Variants in PIEZO1 observed in about 807,000 individuals in gnomAD.
PIEZO1 encodes piezo-type mechanosensitive ion channel component 1.
In PIEZO1, 296 loss-of-function variants were observed where a neutral mutation model predicts 297.2. That is an observed-to-expected ratio of 1.00 (90% confidence interval 0.91 to 1.10). The LOEUF (loss-of-function observed/expected upper bound fraction) is 1.10. Ranked by LOEUF, PIEZO1 falls within the 50% of genes least tolerant of loss-of-function variation. The pLI is 0.00. For synonymous variants in PIEZO1, 2,427 were observed against 1,507.5 expected, an observed-to-expected ratio of 1.61 and a Z score of -14.13; for missense variants, 5,018 against 3,455.5, an observed-to-expected ratio of 1.45 and a Z score of -11.34.
chr16:88,784,853 GAGACGCAGCCCCCTCCCGTCGCCCCC>G (rs1322552299), intron 1 of PIEZO1, 22 bp downstream of exon 1: 173 of 1,320,512 alleles, frequency 1.3e-4, no homozygotes, highest in Admixed American at 2.7e-4. Context: ...GTGGGGAGCC[GAGACGCAGCCCCCTCCCGTCGCCCCC>G]AGGCGCCCGC....
Position 88,719,791 on chromosome 16 carries a change from C to G in PIEZO1, c.6323+11G>C. ...GGGCCGTGACCCCCACCCCGGCGGA[C>G]CTGCACTCACCCCTGGAAGAGGAAG... On this transcript the variant is annotated intron_variant, in intron 43 of 50. Coordinates refer to ENST00000301015, the MANE Select transcript of PIEZO1 (RefSeq NM_001142864.4). 6.4e-7 allele frequency: 1 copy of G among 1,550,462 alleles called. No individual in the cohort carries two copies. Among genetic ancestry groups the G allele is most frequent in the Non-Finnish European group, 8.7e-7 (1 of 1,146,928 alleles).
rs776720032 is a variant in PIEZO1 at position 88,722,018 on chromosome 16, C to T, written c.5004G>A (p.Gly1668=). ...ELEEAELFAE[G]QGRALRLLRA... is the part of the protein sequence containing the mutation. ...GCAGCAGCCGCAGCGCCCGGCCCTG[C>T]CCCTCCGCAAACAGCTCTGCCTCCT... Residue 1668 remains glycine (G), a synonymous_variant, in exon 37 of 51, where the codon GGG becomes GGA. Transcript: ENST00000301015. The T allele has an allele frequency of 4.5e-6, 7 of 1,548,448 alleles. No individual in the cohort carries two copies. In the South Asian group the frequency reaches 7.1e-5, roughly 16 times the overall value.
At chr16:88,782,857 G>T (rs1907997658) in intron 1 of PIEZO1, among the ~76,000 whole-genome samples, 1 of 152,110 alleles carries the variant, frequency 6.6e-6, no homozygotes. Context: ...AGGCAGGCAG[G>T]CAGGGTTCTT....
rs1309044627 is a variant in PIEZO1, at chr16:88,738,715, C to G, written c.487G>C (p.Asp163His). ...RELDDDERDV[D>H]ASPTAGLQEA... ...TGCAGCCCTGCCGTCGGGCTGGCAT[C>G]CACATCCCTCTCATCATCATCCTGC... Residue 163 changes from aspartate (D) to histidine (H), a missense_variant, in exon 6 of 51, where the codon GAT (aspartate) becomes CAT (histidine). By Grantham distance (81) the Asp-to-His change is moderately conservative. Coordinates refer to ENST00000301015, the MANE Select transcript of PIEZO1 (RefSeq NM_001142864.4). The G allele has an allele frequency of 2.6e-6, 4 of 1,532,886 alleles. No homozygotes were observed. The South Asian group carries it at 3.6e-5, about 14-fold the overall frequency. 95.0% of individuals were successfully genotyped at this position (1,532,886 alleles called of 1,614,324 possible).
chr16:88,732,386 G>C lies in PIEZO1; in HGVS notation c.2940C>G (p.Leu980=), dbSNP rs541368471. The C allele has an allele frequency of 1.3e-6, 2 of 1,549,632 alleles. No homozygotes were observed. Among genetic ancestry groups the C allele is most frequent in the African/African-American group, 1.4e-5 (1 of 73,012 alleles). The change falls in exon 21 of 51, where the codon CTC becomes CTG. Residue 980 remains leucine, a synonymous_variant. Transcript: ENST00000301015. ...GTRQQLDQDL[L]GCLKYFINFF... is the part of the protein sequence containing the mutation. ...AGTTGATGAAGTACTTGAGGCAGCCGAGCAGATCCTGGTCCAGCTGCTGGC... is the reference window on the plus strand; with the variant it reads ...AGTTGATGAAGTACTTGAGGCAGCCCAGCAGATCCTGGTCCAGCTGCTGGC...
intron 1 of PIEZO1, 142 bp from the exon 2 acceptor site, chr16:88,749,621 G>T: frequency 1.6e-6 from 1 of 619,588 alleles, no homozygotes; most frequent in Middle Eastern, 4.0e-4. Flanking sequence ...AGCCGTGGAA[G>T]CCGCCTCGCG....
At position 88,733,356 on chromosome 16, in the gene PIEZO1, G is replaced by C. The variant is rs1276607901; in HGVS notation, c.2586C>G (p.Thr862=). Residue 862 remains threonine (T), a synonymous_variant, in exon 19 of 51, where the codon ACC becomes ACG. Transcript: ENST00000301015. ...GCATCTTACACACGATGATGACGCA[G>C]GTCCACACGGTGGACAGGCAGGAGG... ...PMASCLSTVW[T]CVIIVCKMLY... 1.3e-6 allele frequency: 2 copies of C among 1,550,132 alleles called. No homozygotes were observed. Among genetic ancestry groups the C allele is most frequent in the Non-Finnish European group, 1.7e-6 (2 of 1,146,744 alleles).
chr16:88,731,494 G>A (rs1227595835), intron 22 of PIEZO1: 2 of 580,344 alleles, frequency 3.4e-6, no homozygotes, highest in Middle Eastern at 4.5e-4. Flanking sequence ...AAGGAAAAGA[G>A]AACAGCAGAG....
At chr16:88,755,278 T>C (rs985346223) in intron 1 of PIEZO1, among the ~76,000 whole-genome samples, 2 of 152,230 alleles carry the variant, frequency 1.3e-5, no homozygotes, top group African/African-American at 4.8e-5. Flanking sequence ...TAAATGCTAA[T>C]CTGCTGATTA....
intron 1 of PIEZO1, among the ~76,000 whole-genome samples, chr16:88,762,559 G>A (rs1051039375): frequency 2.6e-5 from 4 of 152,202 alleles, no homozygotes; most frequent in Non-Finnish European, 5.9e-5. Flanking sequence ...ACTGCCAAGG[G>A]TAGACCCCCA....
In PIEZO1 at chr16:88,779,851, C is replaced by T. The variant is rs76442219; in HGVS notation, c.64+5050G>A. 5.3e-4 allele frequency among the ~76,000 whole-genome samples: 81 copies of T among 152,386 alleles called. 1 individual carries two copies. The East Asian group carries it at 9.8e-3, about 19-fold the overall frequency. ...CGGCACTCAGCGCAGCTGGGAAAGC[C>T]TGTGTTGCGGGTCTCCTGGCCCCAC... On this transcript the variant is annotated intron_variant, in intron 1 of 50. Coordinates refer to ENST00000301015, the MANE Select transcript of PIEZO1 (RefSeq NM_001142864.4).
chr16:88,717,044 G>T lies in PIEZO1; in HGVS notation c.6639C>A (p.Thr2213=). The change falls in exon 45 of 51, where the codon ACC becomes ACA. Residue 2213 remains threonine, a synonymous_variant. Coordinates refer to ENST00000301015, the MANE Select transcript of PIEZO1 (RefSeq NM_001142864.4). Reference sequence around the variant, plus strand: ...TCACCTCATAGCCGCCCAGCTTCAGGGTGACGGTGACATCGATGGGCTGGT... The same window carrying T: ...TCACCTCATAGCCGCCCAGCTTCAGTGTGACGGTGACATCGATGGGCTGGT... ...VVNQPIDVTV[T]LKLGGYEPLF... is the part of the protein sequence containing the mutation. 1.3e-6 allele frequency: 2 copies of T among 1,550,726 alleles called. No individual in the cohort carries two copies. The highest frequency in any genetic ancestry group is 1.7e-6 in the Non-Finnish European group (2 of 1,146,984).
At position 88,719,784 on chromosome 16, in the gene PIEZO1, C is replaced by G. The variant is rs750951378; in HGVS notation, c.6323+18G>C. On this transcript the variant is annotated intron_variant, in intron 43 of 50. Coordinates refer to ENST00000301015, the MANE Select transcript of PIEZO1 (RefSeq NM_001142864.4). ...CATGCCCGGGCCGTGACCCCCACCC[C>G]GGCGGACCTGCACTCACCCCTGGAA... 9 of 1,550,344 alleles carry G rather than the reference C, an allele frequency of 5.8e-6. No individual in the cohort carries two copies. Among genetic ancestry groups the G allele is most frequent in the Non-Finnish European group, 7.8e-6 (9 of 1,146,868 alleles).
rs1020084241 is a variant in PIEZO1, at chr16:88,733,326, G to A, written c.2616C>T (p.Tyr872=). 5.8e-6 allele frequency: 9 copies of A among 1,550,092 alleles called. No homozygotes were observed. In the Admixed American group the frequency reaches 5.9e-5, roughly 10 times the overall value. ...TCVIIVCKML[Y]QLKVVNPQEY... ...CCTGGGGGTTGACAACCTTGAGCTG[G>A]TACAGCATCTTACACACGATGATGA... Residue 872 remains tyrosine, a synonymous_variant, in exon 19 of 51, where the codon TAC becomes TAT. Coordinates refer to ENST00000301015, the MANE Select transcript of PIEZO1 (RefSeq NM_001142864.4).
chr16:88,716,614 C>T lies in PIEZO1; in HGVS notation c.6871G>A (p.Glu2291Lys), dbSNP rs1324181814. Residue 2291 changes from glutamate to lysine, a missense_variant, in exon 47 of 51, where the codon GAG (glutamate) becomes AAG (lysine). Coordinates refer to ENST00000301015, the MANE Select transcript of PIEZO1 (RefSeq NM_001142864.4). ...SPPSRAQMKR[E>K]LYNGTADITL... The stretch of plus-strand genomic sequence containing the variant: ...ATGTCGGCCGTGCCGTTGTAGAGCT[C>T]CCGCTTCATCTGGGCACGGCTGGGG... The T allele has an allele frequency of 1.3e-6, 2 of 1,549,996 alleles. No individual in the cohort carries two copies. The highest frequency in any genetic ancestry group is 1.7e-6 in the Non-Finnish European group (2 of 1,146,872).
chr16:88,749,419 G>C lies in PIEZO1; in HGVS notation c.125C>G (p.Pro42Arg). The part of the protein sequence containing the change: ...LVYLLFLLLL[P>R]WFPGPTRCGL... The stretch of plus-strand genomic sequence containing the variant: ...GCATCGGGTGGGGCCGGGGAACCAG[G>C]GCAGCAGCAGCAGGAAGAGCAGGTA... The change falls in exon 2 of 51, where the codon CCC (proline) becomes CGC (arginine). Residue 42 changes from proline to arginine, a missense_variant. By Grantham distance (103) the Pro-to-Arg change is moderately radical (BLOSUM62 -2). Coordinates refer to ENST00000301015, the MANE Select transcript of PIEZO1 (RefSeq NM_001142864.4). The C allele has an allele frequency of 1.3e-6, 2 of 1,523,458 alleles. No homozygotes were observed. The highest frequency in any genetic ancestry group is 1.2e-5 in the South Asian group (1 of 81,478). The allele number at this position is 1,523,458 out of a possible 1,614,324, so 94.4% of individuals were successfully genotyped here. A position where few individuals can be genotyped will look rare whatever the true frequency, so the allele number is the denominator to read the frequency against.
intron 1 of PIEZO1, among the ~76,000 whole-genome samples, chr16:88,750,736 G>A (rs938292163): frequency 2.6e-5 from 4 of 152,190 alleles, no homozygotes; most frequent in Non-Finnish European, 4.4e-5. Context: ...TCGTCTCCTC[G>A]CAGGGGACCT....
chr16:88,767,267 G>C (rs1371570490), intron 1 of PIEZO1, among the ~76,000 whole-genome samples: 4 of 152,190 alleles, frequency 2.6e-5, no homozygotes, highest in African/African-American at 9.7e-5. Context: ...CCATCTGCAA[G>C]GGCATCCCTG....
At chr16:88,746,795 CA>C (rs1382092900) in intron 2 of PIEZO1, among the ~76,000 whole-genome samples, 1 of 152,252 alleles carries the variant, frequency 6.6e-6, no homozygotes, top group Non-Finnish European at 1.5e-5. Flanking sequence ...TGCCTTCCCC[CA>C]CTGCTGATTA....
Sources: gnomAD v4.1 joint callset for allele counts (sites outside exome capture counted in the v4.1 genomes callset) on GRCh38, gnomAD v4.1.1 for gene constraint, MANE v1.5 for transcripts, NCBI Gene and HGNC (gene_info 2026-07-23, HGNC 2026-07-21) for gene names.